The following EXT1 variants were observed in gnomAD, a reference collection of about 807,000 sequenced individuals.
EXT1 encodes exostosin glycosyltransferase 1, also known as exostosin-1.
A neutral mutation model predicts 82.5 loss-of-function variants in EXT1; 20 were observed. The observed-to-expected ratio is 0.24, with a 90% CI of 0.17 to 0.35. EXT1 has a LOEUF of 0.35. EXT1 is among the 10% of genes least tolerant of loss of function. The probability of loss-of-function intolerance (pLI) is 1.00; values close to 1 mark genes in which losing one functional copy is unlikely to be tolerated. For synonymous variants in EXT1, 348 were observed against 350.8 expected, an observed-to-expected ratio of 0.99 and a Z score of 0.09; for missense variants, 757 against 936.5, an observed-to-expected ratio of 0.81 and a Z score of 2.50.
At position 117,799,667 on chromosome 8, in the gene EXT1, AC is replaced by A; in HGVS notation, c.*44del. Reference sequence around the variant, plus strand: ...TGCACTGGGAAGAGAGAGCAGCTTGACCCCCATCCCTTCTTGCTTCCCCTCC... The same window carrying A: ...TGCACTGGGAAGAGAGAGCAGCTTGACCCCATCCCTTCTTGCTTCCCCTCC... On this transcript the variant is annotated 3_prime_UTR_variant, in exon 11 of 11. Coordinates refer to ENST00000378204, the MANE Select transcript of EXT1 (RefSeq NM_000127.3). The A allele has an allele frequency of 1.2e-6, 2 of 1,601,220 alleles. No individual in the cohort carries two copies. The highest frequency in any genetic ancestry group is 8.6e-7 in the Non-Finnish European group (1 of 1,169,432).
chr8:117,955,729 T>A lies in EXT1; in HGVS notation c.963-118528A>T, dbSNP rs17453371. Among the ~76,000 whole-genome samples the A allele has an allele frequency of 2.9e-3, 444 of 152,278 alleles. 2 individuals are homozygous for A. Among genetic ancestry groups the A allele is most frequent in the Non-Finnish European group, 5.5e-3 (374 of 68,028 alleles). ...AGCCACCACGCCCAGCTAATCTTCG[T>A]ATTTTTAGTTGAGAGGAGGTTTTCA... On this transcript the variant is annotated intron_variant, in intron 1 of 10. Coordinates refer to ENST00000378204, the MANE Select transcript of EXT1 (RefSeq NM_000127.3).
chr8:117,897,591 C>CTTTTTTTTTTTTTTTTTTTTTTTTTTT (rs34963536), intron 1 of EXT1, among the ~76,000 whole-genome samples: 3 of 90,656 alleles, frequency 3.3e-5, no homozygotes, highest in African/African-American at 1.3e-4. Flanking sequence ...CTTCTTTTCT[C>CTTTTTTTTTTTTTTTTTTTTTTTTTTT]TTTTTTTTTT....
chr8:117,881,806 G>C (rs894464593), intron 1 of EXT1, among the ~76,000 whole-genome samples: 4 of 152,114 alleles, frequency 2.6e-5, no homozygotes, highest in Non-Finnish European at 5.9e-5. Context: ...TCGAAGTGAT[G>C]AGCTACCCTG....
Position 118,111,563 on chromosome 8 carries a change from T to C in EXT1, c.-517A>G. On this transcript the variant is annotated 5_prime_UTR_variant, in exon 1 of 11. Coordinates refer to ENST00000378204, the MANE Select transcript of EXT1 (RefSeq NM_000127.3). The stretch of plus-strand genomic sequence containing the variant: ...CCGGGTTCAGCCGGCTAGTGCATCT[T>C]GCAGCTGGGGCGCCGTAACCTCACA... 2.3e-6 allele frequency: 1 copy of C among 433,674 alleles called. No individual in the cohort carries two copies. The highest frequency in any genetic ancestry group is 4.1e-6 in the Non-Finnish European group (1 of 246,084). 26.9% of individuals were successfully genotyped at this position (433,674 alleles called of 1,614,324 possible). A position where few individuals can be genotyped will look rare whatever the true frequency, so the allele number is the denominator to read the frequency against.
At chr8:118,097,715 T>C (rs1414488830) in intron 1 of EXT1, among the ~76,000 whole-genome samples, 1 of 152,220 alleles carries the variant, frequency 6.6e-6, no homozygotes, top group Non-Finnish European at 1.5e-5. Flanking sequence ...GTGCACCTTC[T>C]TATTCACTGT....
At chr8:117,967,932 C>T (rs1025844189) in intron 1 of EXT1, among the ~76,000 whole-genome samples, 1 of 152,114 alleles carries the variant, frequency 6.6e-6, no homozygotes, top group Non-Finnish European at 1.5e-5. Context: ...TATTGTATTC[C>T]ATATTTCTGC....
chr8:117,876,051 A>AG (rs1226511099), intron 1 of EXT1, among the ~76,000 whole-genome samples: 7 of 152,240 alleles, frequency 4.6e-5, no homozygotes, highest in Non-Finnish European at 1.0e-4. Context: ...CAGAAACTAT[A>AG]AGAGATGCCC....
intron 1 of EXT1, among the ~76,000 whole-genome samples, chr8:118,028,631 T>TAAAA (rs1006831019): frequency 6.6e-6 from 1 of 150,634 alleles, no homozygotes; most frequent in Non-Finnish European, 1.5e-5. Context: ...AAAAATAAAA[T>TAAAA]AAAAAAAAAG....
intron 1 of EXT1, among the ~76,000 whole-genome samples, chr8:117,894,541 A>G (rs998519657): frequency 9.2e-5 from 14 of 152,200 alleles, no homozygotes; most frequent in African/African-American, 3.4e-4. Context: ...CTATATTCCT[A>G]GTATCACTTG....
At chr8:118,080,415 A>G (rs1412710356) in intron 1 of EXT1, among the ~76,000 whole-genome samples, 4 of 152,180 alleles carry the variant, frequency 2.6e-5, no homozygotes, top group Non-Finnish European at 5.9e-5. Context: ...AATTAAGTAA[A>G]TAACTGCCTT....
intron 1 of EXT1, among the ~76,000 whole-genome samples, chr8:117,905,092 G>C (rs1813518719): frequency 6.6e-6 from 1 of 152,006 alleles, no homozygotes; most frequent in African/African-American, 2.4e-5. Flanking sequence ...TCTGAGCAAA[G>C]AAAAAAATTA....
chr8:117,891,841 C>T (rs1813249240), intron 1 of EXT1, among the ~76,000 whole-genome samples: 2 of 131,132 alleles, frequency 1.5e-5, no homozygotes, highest in African/African-American at 5.8e-5. Flanking sequence ...GAGGCTTGCT[C>T]TGTCGCCCAG....
chr8:117,798,398 G>A lies in EXT1; in HGVS notation c.*1314C>T, dbSNP rs574758275. ...GTCTCCATTTTTCATAACAGAGTTAGGGATATGTTTTTTTTTTCAGTTTAT... is the reference window on the plus strand; with the variant it reads ...GTCTCCATTTTTCATAACAGAGTTAAGGATATGTTTTTTTTTTCAGTTTAT... On this transcript the variant is annotated 3_prime_UTR_variant, in exon 11 of 11. Transcript: ENST00000378204. The A allele has an allele frequency of 4.6e-5, 7 of 152,062 alleles. No homozygotes were observed. In the South Asian group the frequency reaches 1.5e-3, roughly 32 times the overall value. The allele number at this position is 152,062 out of a possible 1,614,324, so 9.4% of individuals were successfully genotyped here. A position where few individuals can be genotyped will look rare whatever the true frequency, so the allele number is the denominator to read the frequency against.
intron 1 of EXT1, among the ~76,000 whole-genome samples, chr8:118,069,382 T>A (rs906520213): frequency 6.6e-6 from 1 of 152,184 alleles, no homozygotes; most frequent in Admixed American, 6.5e-5. Flanking sequence ...CAGTACCCCG[T>A]CTATTCCTCT....
intron 1 of EXT1, among the ~76,000 whole-genome samples, chr8:117,950,235 C>T (rs887063199): frequency 6.6e-6 from 1 of 152,014 alleles, no homozygotes; most frequent in African/African-American, 2.4e-5. Context: ...AGCAAGATCC[C>T]ATCACAAACA....
chr8:117,809,209 G>GTATAAA (rs1471755255), intron 8 of EXT1, among the ~76,000 whole-genome samples: 91 of 86,034 alleles, frequency 1.1e-3, no homozygotes, highest in Non-Finnish European at 1.4e-3. Flanking sequence ...ATATGTGTGT[G>GTATAAA]TGTGTATAAA....
intron 1 of EXT1, among the ~76,000 whole-genome samples, chr8:117,917,107 AG>A (rs1813767157): frequency 6.6e-6 from 1 of 152,198 alleles, no homozygotes; most frequent in African/African-American, 2.4e-5. Flanking sequence ...GATGAGAAAA[AG>A]GATTTTCATA....
At chr8:117,849,289 C>G (rs1812416568) in intron 1 of EXT1, among the ~76,000 whole-genome samples, 1 of 152,168 alleles carries the variant, frequency 6.6e-6, no homozygotes, top group Non-Finnish European at 1.5e-5. Flanking sequence ...ACTGGCTTAC[C>G]TTCTTTCTCC....
chr8:117,923,708 AGG>A (rs1338397672), intron 1 of EXT1, among the ~76,000 whole-genome samples: 8 of 151,304 alleles, frequency 5.3e-5, no homozygotes, highest in Admixed American at 5.3e-4. Flanking sequence ...CTGGGGTGAC[AGG>A]GCGAGACTCT....
Sources: gnomAD v4.1 joint callset for allele counts (sites outside exome capture counted in the v4.1 genomes callset) on GRCh38, gnomAD v4.1.1 for gene constraint, MANE v1.5 for transcripts, NCBI Gene and HGNC (gene_info 2026-07-23, HGNC 2026-07-21) for gene names.